CDKN2B-AS1: variants seen among roughly 807,000 people sequenced by gnomAD.
CDKN2B-AS1 encodes the protein CDKN2B and CDKN2A antisense cis and trans regulatory RNA 1.
chr9:22,014,102 G>T (rs970055469), intron 1 of CDKN2B-AS1, among the ~76,000 whole-genome samples: 3 of 152,082 alleles, frequency 2.0e-5, no homozygotes, highest in Non-Finnish European at 2.9e-5. Context: ...TGGCAAAATG[G>T]TGATATTCTA....
chr9:22,076,539 G>A (rs1039472253), intron 4 of CDKN2B-AS1, among the ~76,000 whole-genome samples: 1 of 152,156 alleles, frequency 6.6e-6, no homozygotes, highest in African/African-American at 2.4e-5. Flanking sequence ...ACGGTGCTAT[G>A]GGTAAAATGG....
At position 22,045,034 on chromosome 9, in the gene CDKN2B-AS1, TTATTTG is replaced by T. The variant is rs1823048904; in HGVS notation, n.30-1715_30-1710del. ...TATTTTTCTTTTGGAAAAATATTAT[TTATTTG>T]TGTGTGTGTGTGTGTGTGTGTGTGT... On this transcript the variant is annotated intron_variant and non_coding_transcript_variant, in intron 1 of 4. Transcript: ENST00000650946. Among the ~76,000 whole-genome samples the T allele has an allele frequency of 2.9e-5, 3 of 103,326 alleles. No homozygotes were observed. The South Asian group carries it at 9.9e-4, about 34-fold the overall frequency. 67.8% of individuals were successfully genotyped at this position (103,326 alleles called of 152,430 possible). A position where few individuals can be genotyped will look rare whatever the true frequency, so the allele number is the denominator to read the frequency against.
At position 22,001,939 on chromosome 9, in the gene CDKN2B-AS1, G is replaced by A. The variant is rs1004925674; in HGVS notation, n.29+6778G>A. On this transcript the variant is annotated intron_variant and non_coding_transcript_variant, in intron 1 of 4. Transcript: ENST00000650946. The surrounding 1 kb of genome is among the most constrained non-coding windows in gnomAD (Gnocchi z 4.2). Reference sequence around the variant, plus strand: ...CTTCATTCCCTCTTTCTTTCCTGTCGTTATAAGTAGAATAGGAAAATATTG... The same window carrying A: ...CTTCATTCCCTCTTTCTTTCCTGTCATTATAAGTAGAATAGGAAAATATTG... Among the ~76,000 whole-genome samples, 7 of 151,990 alleles carry A rather than the reference G, an allele frequency of 4.6e-5. No individual in the cohort carries two copies. The highest frequency in any genetic ancestry group is 7.2e-5 in the African/African-American group (3 of 41,410).
intron 3 of CDKN2B-AS1, among the ~76,000 whole-genome samples, chr9:22,055,203 T>C (rs958709757): frequency 6.6e-6 from 1 of 152,254 alleles, no homozygotes; most frequent in African/African-American, 2.4e-5. Flanking sequence ...TTGATATATG[T>C]ATACATTGTG....
intron 4 of CDKN2B-AS1, among the ~76,000 whole-genome samples, chr9:22,099,402 G>C (rs1193174438): frequency 6.6e-6 from 1 of 152,188 alleles, no homozygotes; most frequent in Non-Finnish European, 1.5e-5. Context: ...GGCAGGATAA[G>C]AGACAATGAA....
At chr9:22,037,264 G>C (rs1201193939) in intron 1 of CDKN2B-AS1, among the ~76,000 whole-genome samples, 1 of 151,950 alleles carries the variant, frequency 6.6e-6, no homozygotes, top group African/African-American at 2.4e-5. Flanking sequence ...AGAAAAATGG[G>C]GTTTAAAGTA....
At chr9:22,114,669 G>C (rs1005880202) in intron 4 of CDKN2B-AS1, among the ~76,000 whole-genome samples, 1 of 152,210 alleles carries the variant, frequency 6.6e-6, no homozygotes, top group African/African-American at 2.4e-5. Context: ...TAATTGGCTG[G>C]GAGCAGCCAT....
At chr9:22,071,314 T>A (rs1824283094) in intron 4 of CDKN2B-AS1, among the ~76,000 whole-genome samples, 1 of 92,728 alleles carries the variant, frequency 1.1e-5, no homozygotes, top group African/African-American at 4.9e-5. Context: ...TTTTTTTTTT[T>A]TTAGACACGG....
intron 1 of CDKN2B-AS1, among the ~76,000 whole-genome samples, chr9:22,041,360 G>T (rs1392521845): frequency 6.6e-6 from 1 of 151,990 alleles, no homozygotes; most frequent in African/African-American, 2.4e-5. Context: ...TTGTCTAGCT[G>T]TTGAGATCCT....
chr9:22,023,015 C>T (rs1822076345), intron 1 of CDKN2B-AS1, among the ~76,000 whole-genome samples: 2 of 152,040 alleles, frequency 1.3e-5, no homozygotes, highest in African/African-American at 4.8e-5. Flanking sequence ...TGATGGGGTT[C>T]CCTTTGTAAC....
In CDKN2B-AS1 at chr9:22,011,146, C is replaced by T. The variant is rs192772097; in HGVS notation, n.29+15985C>T. ...TGCTTATACTCAGGCCTGGGTGGTC[C>T]TAACCAGCTCCAGACAGAATTCTAA... On this transcript the variant is annotated intron_variant and non_coding_transcript_variant, in intron 1 of 4. Coordinates refer to ENST00000650946, the Ensembl canonical transcript of CDKN2B-AS1. 1.9e-3 allele frequency among the ~76,000 whole-genome samples: 282 copies of T among 152,296 alleles called. 1 individual carries two copies. Among genetic ancestry groups the T allele is most frequent in the African/African-American group, 6.5e-3 (268 of 41,548 alleles).
intron 4 of CDKN2B-AS1, among the ~76,000 whole-genome samples, chr9:22,117,116 A>G (rs1308438983): frequency 2.0e-5 from 3 of 152,250 alleles, no homozygotes; most frequent in Non-Finnish European, 4.4e-5. Context: ...CCCATTCAAA[A>G]GACTTGGAAA....
intron 4 of CDKN2B-AS1, among the ~76,000 whole-genome samples, chr9:22,098,928 C>G (rs889128830): frequency 1.3e-5 from 2 of 152,084 alleles, no homozygotes; most frequent in Non-Finnish European, 2.9e-5. Flanking sequence ...GGCACTGTGG[C>G]AATCTTTTGT....
At chr9:22,089,946 T>C (rs1245337861) in intron 4 of CDKN2B-AS1, among the ~76,000 whole-genome samples, 2 of 151,794 alleles carry the variant, frequency 1.3e-5, no homozygotes, top group Non-Finnish European at 2.9e-5. Context: ...CATTTAATAT[T>C]AGGTATATCT....
chr9:22,089,439 C>G (rs536226937), intron 4 of CDKN2B-AS1, among the ~76,000 whole-genome samples: 1 of 149,618 alleles, frequency 6.7e-6, no homozygotes, highest in East Asian at 2.0e-4. Flanking sequence ...ACTTACTAAA[C>G]TTTTTTTTTT....
intron 4 of CDKN2B-AS1, among the ~76,000 whole-genome samples, chr9:22,069,674 C>G (rs571343962): frequency 2.6e-5 from 4 of 152,248 alleles, no homozygotes; most frequent in South Asian, 4.1e-4. Context: ...TGAGAACATT[C>G]AAAAGCCTCT....
intron 1 of CDKN2B-AS1, among the ~76,000 whole-genome samples, chr9:22,024,266 G>C (rs1206038035): frequency 1.3e-5 from 2 of 152,058 alleles, no homozygotes; most frequent in Non-Finnish European, 2.9e-5. Flanking sequence ...ACTTGTATTG[G>C]GCCCCAACTT....
At chr9:22,090,196 A>T (rs1055658537) in intron 4 of CDKN2B-AS1, among the ~76,000 whole-genome samples, 1 of 152,002 alleles carries the variant, frequency 6.6e-6, no homozygotes, top group East Asian at 1.9e-4. Flanking sequence ...CATGGTGTAT[A>T]TGTGCCACAT....
At chr9:22,084,994 C>T (rs1365151350) in intron 4 of CDKN2B-AS1, among the ~76,000 whole-genome samples, 2 of 152,000 alleles carry the variant, frequency 1.3e-5, no homozygotes, top group African/African-American at 4.8e-5. Context: ...TCAGGCAACC[C>T]CAGCACAGTG....
Sources: allele counts gnomAD v4.1 joint callset (sites outside exome capture counted in the v4.1 genomes callset), GRCh38; gene constraint gnomAD v4.1.1; non-coding constraint Gnocchi (gnomAD v3.1); transcripts MANE v1.5; gene names NCBI Gene and HGNC (gene_info 2026-07-23, HGNC 2026-07-21).